SORCS2: variants seen among roughly 807,000 people sequenced by gnomAD.
The protein encoded by SORCS2 is VPS10 domain-containing receptor SorCS2.
SORCS2 carries 100 observed loss-of-function variants against 141.6 expected under a neutral mutation model. The ratio of observed to expected loss-of-function variants is 0.71; its 90% confidence interval spans 0.60 to 0.83. The LOEUF is 0.83. Ranked by LOEUF, SORCS2 falls within the 40% of genes least tolerant of loss-of-function variation. The pLI is 0.00. For synonymous variants in SORCS2, 789 were observed against 676.9 expected, an observed-to-expected ratio of 1.17 and a Z score of -2.57; for missense variants, 1,646 against 1,560.2, an observed-to-expected ratio of 1.05 and a Z score of -0.93.
chr4:7,643,543 T>C (rs1437571146), intron 4 of SORCS2, among the ~76,000 whole-genome samples: 1 of 152,162 alleles, frequency 6.6e-6, no homozygotes, highest in Admixed American at 6.5e-5. Context: ...GAAGACACCT[T>C]TGGGTGGGCA....
intron 1 of SORCS2, among the ~76,000 whole-genome samples, chr4:7,373,951 C>T (rs767945402): frequency 1.3e-5 from 2 of 152,120 alleles, no homozygotes; most frequent in Admixed American, 1.3e-4. Context: ...ATGATTCCTG[C>T]TTTTATGCCT....
chr4:7,499,096 T>C (rs1731806583), intron 2 of SORCS2, among the ~76,000 whole-genome samples: 1 of 152,092 alleles, frequency 6.6e-6, no homozygotes, highest in Admixed American at 6.5e-5. Context: ...TCTGTGCATG[T>C]GGAGATGGGT....
intron 8 of SORCS2, among the ~76,000 whole-genome samples, chr4:7,671,929 A>C (rs997546544): frequency 6.7e-6 from 1 of 150,066 alleles, no homozygotes; most frequent in African/African-American, 2.5e-5. Context: ...CCAAACTGTC[A>C]AAAGACAGAA....
intron 2 of SORCS2, among the ~76,000 whole-genome samples, chr4:7,514,528 A>G (rs1048485825): frequency 2.6e-5 from 4 of 152,036 alleles, no homozygotes; most frequent in African/African-American, 9.7e-5. Flanking sequence ...GAGTCATGGC[A>G]GGGCTGGTTA....
intron 2 of SORCS2, among the ~76,000 whole-genome samples, chr4:7,445,136 A>T (rs1235270293): frequency 6.6e-6 from 1 of 152,178 alleles, no homozygotes; most frequent in African/African-American, 2.4e-5. Context: ...GGAGGTCAGG[A>T]CTGGGTTGTG....
intron 3 of SORCS2, among the ~76,000 whole-genome samples, chr4:7,597,181 G>A (rs754095941): frequency 2.7e-5 from 4 of 150,918 alleles, no homozygotes; most frequent in Non-Finnish European, 3.0e-5. Context: ...GTAGGGGAGG[G>A]GCTATTACAA....
In SORCS2 at chr4:7,216,950, C is replaced by T. The variant is rs7654166; in HGVS notation, c.480+23824C>T. Among the ~76,000 whole-genome samples, 585 of 151,756 alleles carry T rather than the reference C, an allele frequency of 3.9e-3. 3 individuals carry two copies. Among genetic ancestry groups the T allele is most frequent in the African/African-American group, 0.013 (553 of 41,312 alleles). ...CCAATTCTCCGTCCGCACTGCGTGG[C>T]GGTTCCCGTGGCTCTTCTGATCCCC... On this transcript the variant is annotated intron_variant, in intron 1 of 26. Coordinates refer to ENST00000507866, the MANE Select transcript of SORCS2 (RefSeq NM_020777.3).
chr4:7,685,688 A>ATATATATATATATATATATATAT (rs1553904098), intron 10 of SORCS2, among the ~76,000 whole-genome samples: 2 of 149,604 alleles, frequency 1.3e-5, no homozygotes, highest in African/African-American at 5.0e-5. Context: ...AAAATAAATA[A>ATATATATATATATATATATATAT]ATATATATAT....
intron 2 of SORCS2, among the ~76,000 whole-genome samples, chr4:7,529,205 C>T (rs190316458): frequency 1.5e-3 from 221 of 152,318 alleles, no homozygotes; most frequent in African/African-American, 5.1e-3. Flanking sequence ...TCCTTCCAGA[C>T]TCTGTGCAAA....
chr4:7,492,118 A>G (rs957232734), intron 2 of SORCS2, among the ~76,000 whole-genome samples: 1 of 152,196 alleles, frequency 6.6e-6, no homozygotes, highest in African/African-American at 2.4e-5. Context: ...CTCAAGAGAC[A>G]GGTGCACGCT....
At chr4:7,395,466 G>A (rs753747557) in intron 1 of SORCS2, among the ~76,000 whole-genome samples, 15 of 152,314 alleles carry the variant, frequency 9.8e-5, no homozygotes, top group African/African-American at 3.1e-4. Context: ...ACATGAAAAC[G>A]CAGTGGCTGG....
At chr4:7,342,103 G>C in intron 1 of SORCS2, among the ~76,000 whole-genome samples, 1 of 152,166 alleles carries the variant, frequency 6.6e-6, no homozygotes. Flanking sequence ...TTCATTTGTT[G>C]ATGAACAATT....
chr4:7,549,407 T>G (rs1174235360), intron 3 of SORCS2, among the ~76,000 whole-genome samples: 1 of 150,988 alleles, frequency 6.6e-6, no homozygotes, highest in Non-Finnish European at 1.5e-5. Flanking sequence ...CTTTTATTGA[T>G]GTGGTGGGGC....
chr4:7,725,750 A>G (rs1727175559), intron 20 of SORCS2, among the ~76,000 whole-genome samples: 1 of 152,164 alleles, frequency 6.6e-6, no homozygotes. Context: ...AGCAGGAGAG[A>G]GCCCAAATTA....
At chr4:7,411,014 G>A (rs1245835474) in intron 2 of SORCS2, among the ~76,000 whole-genome samples, 2 of 132,460 alleles carry the variant, frequency 1.5e-5, no homozygotes, top group East Asian at 4.6e-4. Flanking sequence ...AGAGTGTAGT[G>A]GTGTGATCTC....
In SORCS2 at chr4:7,633,965, A is replaced by G. The variant is rs1379666601; in HGVS notation, c.649-4363A>G. Among the ~76,000 whole-genome samples, 2 of 121,826 alleles carry G rather than the reference A, an allele frequency of 1.6e-5. 1 individual carries two copies. The highest frequency in any genetic ancestry group is 3.8e-5 in the Non-Finnish European group (2 of 52,892). The allele number at this position is 121,826 out of a possible 152,430, so 79.9% of individuals were successfully genotyped here. The stretch of plus-strand genomic sequence containing the variant: ...GGGGGATTTGGGCTTCCCTGGCCAA[A>G]TGGCACAGACGTGTGGGTCAAAGTT... On this transcript the variant is annotated intron_variant, in intron 3 of 26. Coordinates refer to ENST00000507866, the MANE Select transcript of SORCS2 (RefSeq NM_020777.3).
At chr4:7,640,603 G>T (rs1405252931) in intron 4 of SORCS2, among the ~76,000 whole-genome samples, 1 of 151,894 alleles carries the variant, frequency 6.6e-6, no homozygotes, top group Non-Finnish European at 1.5e-5. Flanking sequence ...GGCCCACACA[G>T]ATAGCCTGGG....
intron 1 of SORCS2, among the ~76,000 whole-genome samples, chr4:7,254,931 C>G (rs6843561): frequency 0.87 from 133,115 of 152,140 alleles, 58,415 homozygotes; most frequent in African/African-American, 0.92. Flanking sequence ...GGTCCCAGGG[C>G]ATCCGATGCT....
intron 1 of SORCS2, among the ~76,000 whole-genome samples, chr4:7,394,093 T>G (rs1446036179): frequency 6.6e-6 from 1 of 150,692 alleles, no homozygotes; most frequent in Non-Finnish European, 1.5e-5. Flanking sequence ...CCATTTGGCT[T>G]GGTCGGTTGA....
Sources: allele counts gnomAD v4.1 joint callset (sites outside exome capture counted in the v4.1 genomes callset), GRCh38; gene constraint gnomAD v4.1.1; transcripts MANE v1.5; gene names NCBI Gene and HGNC (gene_info 2026-07-23, HGNC 2026-07-21).